Variants in KSR2 observed in about 807,000 individuals in gnomAD.
KSR2 encodes the protein kinase suppressor of ras 2.
KSR2 carries 25 observed loss-of-function variants against 107.8 expected under a neutral mutation model. The observed-to-expected ratio is 0.23, with a 90% confidence interval of 0.17 to 0.32. The LOEUF is 0.32. Among genes scored for constraint, KSR2 ranks in the 10% least tolerant of loss-of-function variants. The pLI is 1.00. For missense variants in KSR2, 887 were observed against 1,268.9 expected (o/e 0.70, Z 4.57); for synonymous variants, 480 against 507.0 (o/e 0.95, Z 0.71).
intron 14 of KSR2, among the ~76,000 whole-genome samples, chr12:117,497,670 A>G (rs181873775): frequency 3.5e-4 from 53 of 152,322 alleles, no homozygotes; most frequent in Non-Finnish European, 5.1e-4. Context: ...ACACTTTAGA[A>G]TCAGAACCAC....
chr12:117,532,638 T>A (rs1003848079), intron 10 of KSR2, among the ~76,000 whole-genome samples: 2 of 152,180 alleles, frequency 1.3e-5, no homozygotes, highest in Non-Finnish European at 2.9e-5. Flanking sequence ...ATAAAAGAAA[T>A]TTTCTGGACT....
intron 4 of KSR2, among the ~76,000 whole-genome samples, chr12:117,673,069 T>G (rs2136505407): frequency 6.6e-6 from 1 of 152,256 alleles, no homozygotes; most frequent in Non-Finnish European, 1.5e-5. Context: ...CAAGACCAGA[T>G]CCTCTGGCAA....
intron 3 of KSR2, among the ~76,000 whole-genome samples, chr12:117,774,416 T>C (rs1446829605): frequency 6.6e-6 from 1 of 152,218 alleles, no homozygotes; most frequent in African/African-American, 2.4e-5. Flanking sequence ...CTGGGTCTCG[T>C]TGGGCACTAG....
chr12:117,668,848 G>C (rs1295147076), intron 4 of KSR2, among the ~76,000 whole-genome samples: 1 of 152,148 alleles, frequency 6.6e-6, no homozygotes, highest in Non-Finnish European at 1.5e-5. Context: ...GACTCTTCAA[G>C]ACCCAGGAGA....
chr12:117,878,373 A>G (rs1893929009), intron 1 of KSR2, among the ~76,000 whole-genome samples: 2 of 152,232 alleles, frequency 1.3e-5, no homozygotes, highest in Non-Finnish European at 2.9e-5. Flanking sequence ...CCGGGGGCCA[A>G]GCTGGACAGA....
At chr12:117,719,789 A>G (rs1410915622) in intron 4 of KSR2, among the ~76,000 whole-genome samples, 1 of 152,266 alleles carries the variant, frequency 6.6e-6, no homozygotes, top group Non-Finnish European at 1.5e-5. Flanking sequence ...ACAAGCAATT[A>G]CAAAGAAGAT....
rs374653392 is a variant in KSR2, at chr12:117,965,024, C to T, written c.180+3052G>A. 9.2e-5 allele frequency among the ~76,000 whole-genome samples: 14 copies of T among 152,338 alleles called. No homozygotes were observed. In the East Asian group the frequency reaches 1.9e-3, roughly 21 times the overall value. On this transcript the variant is annotated intron_variant, in intron 1 of 19. Transcript: ENST00000339824. ...GCAATGGATCATGATCCATCTAAGC[C>T]GATCCTGGTGGTGGTCCCACTTCCC... is the stretch of plus-strand genomic sequence containing the variant.
chr12:117,857,260 A>C (rs1893134656), intron 2 of KSR2, among the ~76,000 whole-genome samples: 3 of 152,000 alleles, frequency 2.0e-5, no homozygotes, highest in Admixed American at 6.6e-5. Context: ...GGATCTCACT[A>C]TGTTGCCCAG....
chr12:117,827,139 T>A (rs1449038044), intron 3 of KSR2, among the ~76,000 whole-genome samples: 1 of 151,622 alleles, frequency 6.6e-6, no homozygotes, highest in African/African-American at 2.4e-5. Flanking sequence ...AAAGCCATGG[T>A]AAAAACTGAA....
intron 1 of KSR2, among the ~76,000 whole-genome samples, chr12:117,872,215 C>T (rs1893675681): frequency 6.6e-6 from 1 of 152,170 alleles, no homozygotes. Flanking sequence ...AGGGTTTAGG[C>T]AGCTCACCCA....
intron 13 of KSR2, among the ~76,000 whole-genome samples, chr12:117,526,128 C>T (rs912523929): frequency 2.0e-5 from 3 of 152,180 alleles, no homozygotes; most frequent in Non-Finnish European, 4.4e-5. Context: ...GATTCCTGGG[C>T]CCCACCCAGC....
chr12:117,889,121 A>G (rs1894263945), intron 1 of KSR2, among the ~76,000 whole-genome samples: 1 of 152,132 alleles, frequency 6.6e-6, no homozygotes, highest in African/African-American at 2.4e-5. Flanking sequence ...TTATGGGTGG[A>G]GGTAGAATTG....
chr12:117,883,883 A>G (rs1232040560), intron 1 of KSR2, among the ~76,000 whole-genome samples: 1 of 148,594 alleles, frequency 6.7e-6, no homozygotes, highest in East Asian at 1.9e-4. Context: ...CTCAAAAAAA[A>G]AAAAAAAAAA....
intron 3 of KSR2, among the ~76,000 whole-genome samples, chr12:117,823,538 AC>A (rs1891637534): frequency 6.6e-6 from 1 of 152,202 alleles, no homozygotes; most frequent in Non-Finnish European, 1.5e-5. Flanking sequence ...GAAGAAAAAA[AC>A]ATCAGGTGGA....
chr12:117,704,907 T>C (rs1886461604), intron 4 of KSR2, among the ~76,000 whole-genome samples: 1 of 151,952 alleles, frequency 6.6e-6, no homozygotes, highest in Non-Finnish European at 1.5e-5. Flanking sequence ...GATGAGATTA[T>C]TTTAATTAGG....
intron 7 of KSR2, among the ~76,000 whole-genome samples, chr12:117,570,096 A>C (rs906408674): frequency 6.7e-6 from 1 of 149,938 alleles, no homozygotes; most frequent in Non-Finnish European, 1.5e-5. Flanking sequence ...TCCGCCTCCC[A>C]GGTTCACGCC....
At chr12:117,635,872 A>G (rs1022432119) in intron 5 of KSR2, among the ~76,000 whole-genome samples, 4 of 151,190 alleles carry the variant, frequency 2.6e-5, no homozygotes, top group Non-Finnish European at 5.9e-5. Flanking sequence ...GCTCACCGCA[A>G]CCTCCACCTC....
intron 4 of KSR2, among the ~76,000 whole-genome samples, chr12:117,673,051 C>G (rs1884979446): frequency 1.3e-5 from 2 of 152,210 alleles, no homozygotes; most frequent in Admixed American, 1.3e-4. Flanking sequence ...AGGCACTGAG[C>G]TAAGTGACAA....
At chr12:117,916,135 C>CT (rs34082573) in intron 1 of KSR2, among the ~76,000 whole-genome samples, 4,766 of 105,198 alleles carry the variant, frequency 0.045, 206 homozygotes, top group African/African-American at 0.086. Flanking sequence ...ATTTCTTCTT[C>CT]TTTTTTTTTT....
Sources: gnomAD v4.1 joint callset for allele counts (sites outside exome capture counted in the v4.1 genomes callset) on GRCh38, gnomAD v4.1.1 for gene constraint, MANE v1.5 for transcripts, NCBI Gene and HGNC (gene_info 2026-07-23, HGNC 2026-07-21) for gene names.